HTR1F: variants seen among roughly 807,000 people sequenced by gnomAD.
The protein encoded by HTR1F is 5-hydroxytryptamine receptor 1F.
Under a neutral mutation model 24.0 loss-of-function variants are expected in HTR1F, and 17 were observed. That is an observed-to-expected ratio of 0.71 (90% CI 0.48 to 1.06). The LOEUF (loss-of-function observed/expected upper bound fraction) is 1.06, where lower values mean the gene tolerates loss of function less well. HTR1F is among the 50% of genes least tolerant of loss of function. HTR1F has a pLI of 0.00. For synonymous variants in HTR1F, 186 were observed against 156.8 expected (o/e 1.19, Z -1.39); for missense variants, 391 against 427.8 (o/e 0.91, Z 0.76).
At chr3:87,806,411 CT>C (rs1364406071) in intron 1 of HTR1F, among the ~76,000 whole-genome samples, 8 of 151,860 alleles carry the variant, frequency 5.3e-5, no homozygotes, top group African/African-American at 1.9e-4. Flanking sequence ...AATTTTTTGT[CT>C]TTTTAAAAAT....
chr3:87,970,124 A>G (rs1705255591), intron 2 of HTR1F, among the ~76,000 whole-genome samples: 1 of 152,202 alleles, frequency 6.6e-6, no homozygotes, highest in South Asian at 2.1e-4. Flanking sequence ...AGACTAATTC[A>G]TGGAGGATGA....
At chr3:87,977,963 C>G (rs974383895) in intron 2 of HTR1F, among the ~76,000 whole-genome samples, 1 of 152,162 alleles carries the variant, frequency 6.6e-6, no homozygotes, top group African/African-American at 2.4e-5. Context: ...TGGCCCAGAT[C>G]CCATGCTTGC....
chr3:87,828,083 T>G (rs1296119016), intron 2 of HTR1F, among the ~76,000 whole-genome samples: 3 of 152,238 alleles, frequency 2.0e-5, no homozygotes, highest in African/African-American at 7.2e-5. Flanking sequence ...GTAATTGTAC[T>G]GTTCTCTCCC....
intron 2 of HTR1F, among the ~76,000 whole-genome samples, chr3:87,823,989 GGA>G (rs1704412202): frequency 6.6e-6 from 1 of 151,402 alleles, no homozygotes; most frequent in Non-Finnish European, 1.5e-5. Context: ...CCCGGGAGGC[GGA>G]GTTTGCAGTG....
chr3:87,939,798 C>G (rs79564012), intron 2 of HTR1F, among the ~76,000 whole-genome samples: 5 of 152,150 alleles, frequency 3.3e-5, no homozygotes, highest in African/African-American at 1.2e-4. Flanking sequence ...TTTTGACAAT[C>G]TTTTCACAAA....
chr3:87,971,013 G>A (rs146550339), intron 2 of HTR1F, among the ~76,000 whole-genome samples: 1 of 151,986 alleles, frequency 6.6e-6, no homozygotes, highest in Non-Finnish European at 1.5e-5. Context: ...CATGATCCCT[G>A]CCTCCTCCCC....
intron 2 of HTR1F, among the ~76,000 whole-genome samples, chr3:87,975,022 T>C (rs565776873): frequency 6.6e-6 from 1 of 152,292 alleles, no homozygotes; most frequent in East Asian, 1.9e-4. Context: ...CAACATACTC[T>C]ATAATATTTT....
chr3:87,872,936 T>C (rs975849938), intron 2 of HTR1F, among the ~76,000 whole-genome samples: 1 of 151,970 alleles, frequency 6.6e-6, no homozygotes, highest in Non-Finnish European at 1.5e-5. Flanking sequence ...GAAACTTATT[T>C]TATGAGGCAA....
chr3:87,962,587 TAA>T (rs768086677), intron 2 of HTR1F, among the ~76,000 whole-genome samples: 9 of 152,164 alleles, frequency 5.9e-5, no homozygotes, highest in South Asian at 2.1e-4. Flanking sequence ...ATTATAAATA[TAA>T]GAGATGTTTT....
chr3:87,842,869 A>G (rs571470212), intron 2 of HTR1F, among the ~76,000 whole-genome samples: 27 of 152,064 alleles, frequency 1.8e-4, no homozygotes, highest in Non-Finnish European at 2.8e-4. Context: ...GTAATTGTTA[A>G]AAGCTGTAAA....
chr3:87,837,673 A>T (rs1306850946), intron 2 of HTR1F, among the ~76,000 whole-genome samples: 2 of 152,070 alleles, frequency 1.3e-5, no homozygotes, highest in African/African-American at 4.8e-5. Context: ...AATACATTGG[A>T]TAATTTATTA....
intron 2 of HTR1F, among the ~76,000 whole-genome samples, chr3:87,907,921 T>C (rs1336773600): frequency 6.6e-6 from 1 of 152,042 alleles, no homozygotes; most frequent in Admixed American, 6.6e-5. Context: ...TACAAATTAG[T>C]ATAAGTTTCT....
rs1559660040 is a variant in HTR1F at position 87,987,654 on chromosome 3, ATAT to A, written c.-42-3053_-42-3051del. On this transcript the variant is annotated intron_variant, in intron 2 of 2. Coordinates refer to ENST00000319595, the MANE Select transcript of HTR1F (RefSeq NM_001322209.2). ...TAATATATGTATTTTATATATATAT[ATAT>A]AAAAATATATGTATTATATATATAT... is the stretch of plus-strand genomic sequence containing the variant. 2.9e-4 allele frequency among the ~76,000 whole-genome samples: 35 copies of A among 122,358 alleles called. 3 individuals are homozygous for A. The highest frequency in any genetic ancestry group is 3.2e-4 in the Non-Finnish European group (17 of 53,496). The allele number at this position is 122,358 out of a possible 152,430, so 80.3% of individuals were successfully genotyped here.
Position 87,991,846 on chromosome 3 carries a change from G to A in HTR1F, c.1097G>A (p.Cys366Tyr). 4 of 1,558,026 alleles carry A rather than the reference G, an allele frequency of 2.6e-6. No homozygotes were observed. The highest frequency in any genetic ancestry group is 3.5e-6 in the Non-Finnish European group (4 of 1,154,582). Residue 366 changes from cysteine to tyrosine, a missense_variant, in exon 3 of 3, where the codon TGT becomes TAT. Physicochemically the swap from Cys to Tyr is radical, Grantham distance 194. Transcript: ENST00000319595. ...TTCCAAAAGCTTGTGCGATGTCGAT[G>A]TTAGTTTTAAAAATGTTTATTATTG... ...KAFQKLVRCR[C>Y] is the part of the protein sequence containing the mutation.
chr3:87,951,361 T>C lies in HTR1F; in HGVS notation c.-42-39347T>C, dbSNP rs1489874479. ...TTTTAGTTCATCTTCTTAGCAATCCTATGAGGTCAATACCATTACCCTTCT... is the reference window on the plus strand; with the variant it reads ...TTTTAGTTCATCTTCTTAGCAATCCCATGAGGTCAATACCATTACCCTTCT... On this transcript the variant is annotated intron_variant, in intron 2 of 2. Coordinates refer to ENST00000319595, the MANE Select transcript of HTR1F (RefSeq NM_001322209.2). Among the ~76,000 whole-genome samples the C allele has an allele frequency of 2.0e-5, 3 of 152,294 alleles. No individual in the cohort carries two copies. The East Asian group carries it at 5.8e-4, about 29-fold the overall frequency.
At chr3:87,931,281 G>A (rs866824116) in intron 2 of HTR1F, among the ~76,000 whole-genome samples, 1 of 151,508 alleles carries the variant, frequency 6.6e-6, no homozygotes, top group Non-Finnish European at 1.5e-5. Flanking sequence ...TCCCATCTAT[G>A]AGTGAGAACA....
At chr3:87,853,586 A>T (rs1402452848) in intron 2 of HTR1F, among the ~76,000 whole-genome samples, 1 of 152,132 alleles carries the variant, frequency 6.6e-6, no homozygotes, top group East Asian at 1.9e-4. Flanking sequence ...GTATATACCC[A>T]GTCATGGGAT....
At chr3:87,855,672 C>T (rs1705183772) in intron 2 of HTR1F, among the ~76,000 whole-genome samples, 1 of 152,012 alleles carries the variant, frequency 6.6e-6, no homozygotes. Flanking sequence ...TTACCCATAA[C>T]CTAACATGGT....
intron 2 of HTR1F, among the ~76,000 whole-genome samples, chr3:87,923,701 A>T (rs1704061405): frequency 6.6e-6 from 1 of 151,992 alleles, no homozygotes. Context: ...GAGTTTTTAT[A>T]ATAAAAAGAT....
Sources: gnomAD v4.1 joint callset for allele counts (sites outside exome capture counted in the v4.1 genomes callset) on GRCh38, gnomAD v4.1.1 for gene constraint, MANE v1.5 for transcripts, NCBI Gene and HGNC (gene_info 2026-07-23, HGNC 2026-07-21) for gene names.